The following PAQR5 variants were observed in gnomAD, a reference collection of about 807,000 sequenced individuals.
PAQR5 encodes progestin and adipoQ receptor family member 5, also known as membrane progestin receptor gamma.
Under a neutral mutation model 34.5 loss-of-function variants are expected in PAQR5, and 20 were observed. That is an observed-to-expected ratio of 0.58 (90% CI 0.41 to 0.84). PAQR5 has a LOEUF of 0.84. Ranked by LOEUF, PAQR5 falls within the 40% of genes least tolerant of loss-of-function variation. PAQR5 has a pLI of 0.00. For synonymous variants in PAQR5, 131 were observed against 155.6 expected (o/e 0.84, Z 1.18); for missense variants, 378 against 412.7 (o/e 0.92, Z 0.73).
chr15:69,390,944 T>C (rs947856927), intron 6 of PAQR5, among the ~76,000 whole-genome samples: 4 of 152,148 alleles, frequency 2.6e-5, no homozygotes, highest in Non-Finnish European at 4.4e-5. Flanking sequence ...TGCCTGAAAG[T>C]TCCTTTTCCC....
chr15:69,302,707 G>T (rs1412253091), intron 1 of PAQR5, among the ~76,000 whole-genome samples: 2 of 152,138 alleles, frequency 1.3e-5, no homozygotes, highest in Admixed American at 6.5e-5. Context: ...CACACCTGGG[G>T]TTAGTCAGTT....
chr15:69,406,869 CAAA>C lies in PAQR5; in HGVS notation c.*3061_*3063del, dbSNP rs776290332. 16 of 102,652 alleles carry C rather than the reference CAAA, an allele frequency of 1.6e-4. No homozygotes were observed. The highest frequency in any genetic ancestry group is 1.5e-4 in the Non-Finnish European group (7 of 45,596). 6.4% of individuals were successfully genotyped at this position (102,652 alleles called of 1,614,324 possible). A position where few individuals can be genotyped will look rare whatever the true frequency, so the allele number is the denominator to read the frequency against. On this transcript the variant is annotated 3_prime_UTR_variant, in exon 9 of 9. Transcript: ENST00000395407. ...TGGGCAACAGGGCAAGACCCTGCCT[CAAA>C]AAAAAAAAAAAAAGAATTTGTAATT... is the stretch of plus-strand genomic sequence containing the variant.
chr15:69,381,374 C>T (rs2055880830), intron 4 of PAQR5, among the ~76,000 whole-genome samples: 1 of 152,184 alleles, frequency 6.6e-6, no homozygotes, highest in Admixed American at 6.5e-5. Flanking sequence ...TTGGAGATCT[C>T]ACTCTGTCAG....
At chr15:69,333,471 T>C (rs1323826123) in intron 1 of PAQR5, among the ~76,000 whole-genome samples, 1 of 152,162 alleles carries the variant, frequency 6.6e-6, no homozygotes, top group African/African-American at 2.4e-5. Context: ...CTCTGCACAC[T>C]TGGATCAGAG....
chr15:69,375,020 A>G (rs1240638271), intron 3 of PAQR5, among the ~76,000 whole-genome samples: 2 of 152,200 alleles, frequency 1.3e-5, no homozygotes, highest in Non-Finnish European at 2.9e-5. Flanking sequence ...TGATCTGCAC[A>G]CACTTGCAGA....
rs1180423847 is a variant in PAQR5 at position 69,404,927 on chromosome 15, T to C, written c.*1105T>C. On this transcript the variant is annotated 3_prime_UTR_variant, in exon 9 of 9. Coordinates refer to ENST00000395407, the MANE Select transcript of PAQR5 (RefSeq NM_017705.4). ...GAGCAAGTCTCCCAGATGATTCTAA[T>C]ACAGGAGGGCCAGAGGCCAAACTTG... 1.3e-5 allele frequency: 5 copies of C among 398,456 alleles called. No homozygotes were observed. The highest frequency in any genetic ancestry group is 2.2e-5 in the Non-Finnish European group (5 of 226,042). The allele number at this position is 398,456 out of a possible 1,614,324, so 24.7% of individuals were successfully genotyped here.
intron 2 of PAQR5, among the ~76,000 whole-genome samples, chr15:69,350,569 A>G (rs1349341483): frequency 6.6e-6 from 1 of 152,210 alleles, no homozygotes; most frequent in East Asian, 1.9e-4. Context: ...CTTGAACTCA[A>G]GAGGTGGAGG....
intron 4 of PAQR5, among the ~76,000 whole-genome samples, chr15:69,380,607 T>C (rs1431507415): frequency 2.6e-5 from 4 of 151,666 alleles, no homozygotes; most frequent in African/African-American, 9.7e-5. Context: ...GAAATGGAAG[T>C]GGCCAGGGAA....
chr15:69,300,762 C>A (rs2053550607), intron 1 of PAQR5, among the ~76,000 whole-genome samples: 1 of 33,962 alleles, frequency 2.9e-5, no homozygotes, highest in African/African-American at 9.1e-5. Flanking sequence ...CTTTCTCTTC[C>A]TTCCTCCCTC....
At position 69,360,112 on chromosome 15, in the gene PAQR5, G is replaced by A. The variant is rs73440972; in HGVS notation, c.32G>A (p.Ser11Asn). ...AGCCTGAAGCTCCCCAGGCTGTTTAGCATAGACCAGATACCCCAGGTATGT... is the reference window on the plus strand; with the variant it reads ...AGCCTGAAGCTCCCCAGGCTGTTTAACATAGACCAGATACCCCAGGTATGT... MLSLKLPRLF[S>N]IDQIPQVFHE... Residue 11 changes from serine (S) to asparagine (N), a missense_variant, in exon 3 of 9, where the codon AGC becomes AAC. Physicochemically the swap from Ser to Asn is conservative, Grantham distance 46. Transcript: ENST00000395407. 0.047 allele frequency: 76,302 copies of A among 1,612,600 alleles called. 3,342 individuals are homozygous for A. The highest frequency in any genetic ancestry group is 0.17 in the African/African-American group (12,485 of 74,932).
chr15:69,389,598 G>C, intron 5 of PAQR5, 56 bp from the exon 6 acceptor site: 1 of 1,609,424 alleles, frequency 6.2e-7, no homozygotes, highest in Non-Finnish European at 8.5e-7. Flanking sequence ...CTTTGCAAGG[G>C]GCCCATGTGG....
At chr15:69,378,264 TAAAA>T (rs71149912) in intron 3 of PAQR5, among the ~76,000 whole-genome samples, 7 of 59,692 alleles carry the variant, frequency 1.2e-4, no homozygotes, top group African/African-American at 5.1e-4. Context: ...GACTCCATCT[TAAAA>T]AAAAAAAAAA....
chr15:69,356,547 G>A (rs1001649217), intron 2 of PAQR5, among the ~76,000 whole-genome samples: 1 of 152,022 alleles, frequency 6.6e-6, no homozygotes, highest in African/African-American at 2.4e-5. Flanking sequence ...CATTAAGTAC[G>A]TTGGTACCGT....
intron 1 of PAQR5, among the ~76,000 whole-genome samples, chr15:69,334,962 C>A (rs2054477522): frequency 6.6e-6 from 1 of 152,078 alleles, no homozygotes; most frequent in Non-Finnish European, 1.5e-5. Flanking sequence ...GTGGCTCACG[C>A]CTGTAATCCC....
At chr15:69,302,174 C>A (rs1258808797) in intron 1 of PAQR5, among the ~76,000 whole-genome samples, 3 of 152,096 alleles carry the variant, frequency 2.0e-5, no homozygotes, top group Non-Finnish European at 4.4e-5. Context: ...CGGTCTCGAG[C>A]TATCTTCCTC....
At position 69,300,674 on chromosome 15, in the gene PAQR5, C is replaced by T. The variant is rs1269119506; in HGVS notation, c.-277+1618C>T. Among the ~76,000 whole-genome samples, 21 of 12,948 alleles carry T rather than the reference C, an allele frequency of 1.6e-3. 7 individuals carry two copies. The highest frequency in any genetic ancestry group is 0.014 in the Admixed American group (9 of 660). 8.5% of individuals were successfully genotyped at this position (12,948 alleles called of 152,430 possible). ...CTTTTCTTTCTTTCTTTCATTCTTTCTCTTCCTTCCTCCCTCCCTCTCTCT... is the reference window on the plus strand; with the variant it reads ...CTTTTCTTTCTTTCTTTCATTCTTTTTCTTCCTTCCTCCCTCCCTCTCTCT... On this transcript the variant is annotated intron_variant, in intron 1 of 8. Transcript: ENST00000395407.
intron 3 of PAQR5, among the ~76,000 whole-genome samples, chr15:69,364,159 G>A (rs1397281666): frequency 6.6e-6 from 1 of 152,148 alleles, no homozygotes; most frequent in Non-Finnish European, 1.5e-5. Context: ...AATGAAGGAA[G>A]CACAGCCAGA....
chr15:69,319,133 C>CA (rs1268422206), intron 1 of PAQR5, among the ~76,000 whole-genome samples: 1 of 140,548 alleles, frequency 7.1e-6, no homozygotes, highest in Non-Finnish European at 1.5e-5. Flanking sequence ...GACTCCATTT[C>CA]AAAAAATATA....
At chr15:69,313,878 C>T (rs1026223292) in intron 1 of PAQR5, among the ~76,000 whole-genome samples, 1 of 152,116 alleles carries the variant, frequency 6.6e-6, no homozygotes, top group Non-Finnish European at 1.5e-5. Context: ...CCCCTCTCTG[C>T]CAGCTGGGGA....
Sources: allele counts gnomAD v4.1 joint callset (sites outside exome capture counted in the v4.1 genomes callset), GRCh38; gene constraint gnomAD v4.1.1; transcripts MANE v1.5; gene names NCBI Gene and HGNC (gene_info 2026-07-23, HGNC 2026-07-21).